The following MTREX variants were observed in gnomAD, a reference collection of about 807,000 sequenced individuals.
MTREX encodes the protein exosome RNA helicase MTR4.
A neutral mutation model predicts 135.4 loss-of-function variants in MTREX; 76 were observed. That is an observed-to-expected ratio of 0.56 (90% CI 0.47 to 0.68). The LOEUF (loss-of-function observed/expected upper bound fraction) is 0.68, where lower values mean the gene tolerates loss of function less well. Among genes scored for constraint, MTREX ranks in the 30% least tolerant of loss-of-function variants. MTREX has a pLI of 0.00. For synonymous variants in MTREX, 404 were observed against 401.6 expected, an observed-to-expected ratio of 1.01 and a Z score of -0.07; for missense variants, 920 against 1,262.1, an observed-to-expected ratio of 0.73 and a Z score of 4.11.
At chr5:55,310,817 C>G (rs1434697902) in intron 1 of MTREX, among the ~76,000 whole-genome samples, 1 of 152,172 alleles carries the variant, frequency 6.6e-6, no homozygotes, top group Non-Finnish European at 1.5e-5. Flanking sequence ...CTCATTTTCT[C>G]ACCCAGGCTG....
At chr5:55,387,906 A>G in intron 18 of MTREX, 68 bp from the exon 19 acceptor site, 1 of 1,460,796 alleles carries the variant, frequency 6.8e-7, no homozygotes, top group Admixed American at 1.9e-5. Flanking sequence ...GTTCCTATAC[A>G]GATGGAACTT....
chr5:55,361,275 A>G (rs1017428348), intron 15 of MTREX, among the ~76,000 whole-genome samples: 2 of 152,336 alleles, frequency 1.3e-5, no homozygotes, highest in South Asian at 4.1e-4. Context: ...GCTTCTTCAT[A>G]GTCACCTTAT....
chr5:55,396,995 T>C (rs1445288759), intron 19 of MTREX, among the ~76,000 whole-genome samples: 2 of 152,262 alleles, frequency 1.3e-5, no homozygotes, highest in African/African-American at 4.8e-5. Context: ...TTTGAAATAC[T>C]TCTTCATTTC....
intron 21 of MTREX, among the ~76,000 whole-genome samples, chr5:55,403,761 A>C (rs1469616104): frequency 1.3e-5 from 2 of 152,234 alleles, no homozygotes; most frequent in African/African-American, 4.8e-5. Context: ...ATGACATGGC[A>C]TTGTGACTAC....
At chr5:55,321,236 T>C (rs893555737) in intron 1 of MTREX, among the ~76,000 whole-genome samples, 1 of 152,148 alleles carries the variant, frequency 6.6e-6, no homozygotes, top group African/African-American at 2.4e-5. Flanking sequence ...TGAGAAAGGA[T>C]TCTGAAACCA....
chr5:55,421,898 C>T (rs1277573484), intron 25 of MTREX, among the ~76,000 whole-genome samples: 1 of 152,200 alleles, frequency 6.6e-6, no homozygotes, highest in Non-Finnish European at 1.5e-5. Flanking sequence ...ACATTACCCT[C>T]TCTATCCCAA....
chr5:55,360,832 G>GAA (rs1228244302), intron 15 of MTREX, among the ~76,000 whole-genome samples: 1 of 151,978 alleles, frequency 6.6e-6, no homozygotes, highest in Non-Finnish European at 1.5e-5. Flanking sequence ...AACTTATTCA[G>GAA]TATTTGTAAC....
chr5:55,327,479 A>G, intron 3 of MTREX: 1 of 419,432 alleles, frequency 2.4e-6, no homozygotes, highest in Non-Finnish European at 4.3e-6. Flanking sequence ...GATAAACATC[A>G]GCTTTCAATT....
intron 5 of MTREX, among the ~76,000 whole-genome samples, chr5:55,333,231 T>A (rs1346071556): frequency 6.6e-6 from 1 of 152,118 alleles, no homozygotes; most frequent in African/African-American, 2.4e-5. Flanking sequence ...TATCAGCCAG[T>A]TGCAGAATAG....
chr5:55,343,235 C>G, intron 7 of MTREX, 96 bp from the exon 8 acceptor site: 1 of 1,123,834 alleles, frequency 8.9e-7, no homozygotes, highest in Non-Finnish European at 1.3e-6. Context: ...GTCTGCATTT[C>G]TAACTATAAA....
chr5:55,414,097 GC>G, intron 23 of MTREX, 84 bp from the exon 24 acceptor site: 2 of 925,496 alleles, frequency 2.2e-6, no homozygotes, highest in East Asian at 5.2e-5. Context: ...TATCTTACAA[GC>G]TTTAATTTGT....
chr5:55,370,327 C>T (rs1245215683), intron 16 of MTREX, among the ~76,000 whole-genome samples: 4 of 152,196 alleles, frequency 2.6e-5, no homozygotes, highest in African/African-American at 9.7e-5. Context: ...CCTTGGCCCA[C>T]ATAAACTGTT....
intron 6 of MTREX, 59 bp from the exon 7 acceptor site, chr5:55,341,617 TTTCTC>T (rs1347945220): frequency 2.5e-6 from 2 of 816,108 alleles, no homozygotes; most frequent in East Asian, 2.7e-5. Flanking sequence ...AAAAACAACT[TTTCTC>T]TAACTATTAG....
chr5:55,331,246 T>G (rs927073791), intron 5 of MTREX, among the ~76,000 whole-genome samples: 1 of 152,358 alleles, frequency 6.6e-6, no homozygotes, highest in South Asian at 2.1e-4. Context: ...GATACTTTTT[T>G]ATTGCATGCC....
At chr5:55,341,069 A>G (rs1749641009) in intron 6 of MTREX, among the ~76,000 whole-genome samples, 1 of 152,222 alleles carries the variant, frequency 6.6e-6, no homozygotes, top group Admixed American at 6.5e-5. Context: ...GTGAGCATAA[A>G]TTAGCTTCTG....
Position 55,353,241 on chromosome 5 carries a change from G to A in MTREX, c.1505G>A (p.Arg502His), listed in dbSNP as rs1188185547. Residue 502 changes from arginine to histidine, a missense_variant, in exon 14 of 27, where the codon CGC (arginine) becomes CAC (histidine). Arg to His is a conservative substitution (Grantham distance 29, BLOSUM62 0). Coordinates refer to ENST00000230640, the MANE Select transcript of MTREX (RefSeq NM_015360.5). ...PARTVLFTNA[R>H]KFDGKDFRWI... ...AGAACTGTTTTATTTACAAATGCCCGCAAATTTGATGGGAAGGATTTCCGA... is the reference window on the plus strand; with the variant it reads ...AGAACTGTTTTATTTACAAATGCCCACAAATTTGATGGGAAGGATTTCCGA... 14 of 1,607,742 alleles carry A rather than the reference G, an allele frequency of 8.7e-6. No individual in the cohort carries two copies. The Admixed American group carries it at 1.0e-4, about 12-fold the overall frequency.
In MTREX at chr5:55,308,108, G is replaced by A. The variant is rs1312261549; in HGVS notation, c.95G>A (p.Gly32Glu). The A allele has an allele frequency of 6.2e-7, 1 of 1,613,648 alleles. No homozygotes were observed. The highest frequency in any genetic ancestry group is 8.5e-7 in the Non-Finnish European group (1 of 1,179,812). The part of the protein sequence containing the change: ...GTKKDKEKDK[G>E]KWKGPPGSAD... ...AAAAAAGACAAGGAAAAGGACAAGGGGAAATGGAAGGGGCCTCCAGGGTCT... is the reference window on the plus strand; with the variant it reads ...AAAAAAGACAAGGAAAAGGACAAGGAGAAATGGAAGGGGCCTCCAGGGTCT... Residue 32 changes from glycine (G) to glutamate (E), a missense_variant, in exon 1 of 27, where the codon GGG becomes GAG. This residue lies in a region of MTREX where 136 missense variants were observed against 126.7 expected (regional missense o/e 1.07). Coordinates refer to ENST00000230640, the MANE Select transcript of MTREX (RefSeq NM_015360.5).
rs754386686 is a variant in MTREX, at chr5:55,347,038, G to A, written c.1134G>A (p.Val378=). 6.2e-7 allele frequency: 1 copy of A among 1,609,376 alleles called. No individual in the cohort carries two copies. The highest frequency in any genetic ancestry group is 1.1e-5 in the South Asian group (1 of 89,788). ...TKGPSNVFKI[V]KMIMERNFQP... ...GACCATCAAATGTTTTCAAAATTGT[G>A]AAGATGATTATGGAAAGAAATTTCC... The change falls in exon 11 of 27, where the codon GTG becomes GTA. Residue 378 remains valine (V), a synonymous_variant. Transcript: ENST00000230640.
intron 15 of MTREX, among the ~76,000 whole-genome samples, chr5:55,359,145 A>G (rs184125668): frequency 6.6e-6 from 1 of 152,308 alleles, no homozygotes; most frequent in East Asian, 1.9e-4. Flanking sequence ...ACTTTACCCT[A>G]TTGATTATAA....
Sources: gnomAD v4.1 joint callset for allele counts (sites outside exome capture counted in the v4.1 genomes callset) on GRCh38, gnomAD v4.1.1 for gene constraint, gnomAD v4.1.1 regional missense constraint, MANE v1.5 for transcripts, NCBI Gene and HGNC (gene_info 2026-07-23, HGNC 2026-07-21) for gene names.